GOLGA5: variants seen among roughly 807,000 people sequenced by gnomAD.
GOLGA5 encodes golgin A5.
In GOLGA5, 50 loss-of-function variants were observed where a neutral mutation model predicts 93.5. The observed-to-expected ratio is 0.53, with a 90% CI of 0.43 to 0.68. The LOEUF (loss-of-function observed/expected upper bound fraction) is 0.68, where lower values mean the gene tolerates loss of function less well. Ranked by LOEUF, GOLGA5 falls within the 30% of genes least tolerant of loss-of-function variation. GOLGA5 has a pLI of 0.00. For synonymous variants in GOLGA5, 312 were observed against 304.5 expected (o/e 1.02, Z -0.26); for missense variants, 760 against 856.4 (o/e 0.89, Z 1.40).
chr14:92,814,926 T>C (rs1033438184), intron 6 of GOLGA5, among the ~76,000 whole-genome samples: 1 of 152,188 alleles, frequency 6.6e-6, no homozygotes, highest in Non-Finnish European at 1.5e-5. Flanking sequence ...TTGTCTTTAT[T>C]ATTTATGATC....
rs914022300 is a variant in GOLGA5, at chr14:92,816,488, G to A, written c.1491+67G>A. The A allele has an allele frequency of 4.5e-6, 6 of 1,328,620 alleles. No individual in the cohort carries two copies. The Admixed American group carries it at 9.7e-5, about 21-fold the overall frequency. The allele number at this position is 1,328,620 out of a possible 1,614,324, so 82.3% of individuals were successfully genotyped here. On this transcript the variant is annotated intron_variant, in intron 7 of 12. Coordinates refer to ENST00000163416, the MANE Select transcript of GOLGA5 (RefSeq NM_005113.4). ...CTCAGGTGTTAACAGTTTGAGAGGTGGGGAAACAGCATTACTAAAGCGATA... is the reference window on the plus strand; with the variant it reads ...CTCAGGTGTTAACAGTTTGAGAGGTAGGGAAACAGCATTACTAAAGCGATA...
rs1396686780 is a variant in GOLGA5, at chr14:92,839,861, CTT to C, written c.*417_*418del. On this transcript the variant is annotated 3_prime_UTR_variant, in exon 13 of 13. Transcript: ENST00000163416. ...TGCTTTTGGATTTTCATATATTTAA[CTT>C]TGCAAAAAGATTTACTTTGTACATG... is the stretch of plus-strand genomic sequence containing the variant. 1.5e-5 allele frequency: 3 copies of C among 193,698 alleles called. No homozygotes were observed. Among genetic ancestry groups the C allele is most frequent in the Admixed American group, 6.1e-5 (1 of 16,380 alleles). 12.0% of individuals were successfully genotyped at this position (193,698 alleles called of 1,614,324 possible). A position where few individuals can be genotyped will look rare whatever the true frequency, so the allele number is the denominator to read the frequency against.
At chr14:92,835,428 T>C in intron 10 of GOLGA5, 131 bp from the exon 11 acceptor site, 1 of 489,556 alleles carries the variant, frequency 2.0e-6, no homozygotes. Flanking sequence ...TATAGTTTCA[T>C]CTACTTTGGG....
intron 2 of GOLGA5, among the ~76,000 whole-genome samples, chr14:92,803,561 C>G (rs149984676): frequency 3.2e-3 from 484 of 152,280 alleles, no homozygotes; most frequent in Middle Eastern, 0.014. Context: ...ACTATTGATT[C>G]AGTTGGCTTT....
At chr14:92,819,603 A>G in intron 7 of GOLGA5, 105 bp from the exon 8 acceptor site, 1 of 1,064,802 alleles carries the variant, frequency 9.4e-7, no homozygotes, top group Non-Finnish European at 1.4e-6. Context: ...ACTGCACTCC[A>G]GCCTGGGTGA....
chr14:92,804,922 A>G (rs1418910391), intron 2 of GOLGA5, among the ~76,000 whole-genome samples: 1 of 152,192 alleles, frequency 6.6e-6, no homozygotes, highest in African/African-American at 2.4e-5. Flanking sequence ...CTGGGATTAC[A>G]GGCGTGAGCC....
In GOLGA5 at chr14:92,811,630, A is replaced by G. The variant is rs1413225487; in HGVS notation, c.1196A>G (p.Lys399Arg). The G allele has an allele frequency of 6.2e-7, 1 of 1,612,920 alleles. No individual in the cohort carries two copies. The highest frequency in any genetic ancestry group is 2.2e-5 in the East Asian group (1 of 44,866). Residue 399 changes from lysine to arginine, a missense_variant, in exon 6 of 13, where the codon AAA becomes AGA. Lys to Arg is a conservative substitution (Grantham distance 26). Transcript: ENST00000163416. ...LAEAITLAERKYSDEKKRVDE... is the reference protein window; with the variant it reads ...LAEAITLAERRYSDEKKRVDE... Reference sequence around the variant, plus strand: ...GAAGCAATTACACTGGCCGAAAGAAAATACTCAGATGAGAAGAAGAGGGTT... The same window carrying G: ...GAAGCAATTACACTGGCCGAAAGAAGATACTCAGATGAGAAGAAGAGGGTT...
chr14:92,819,913 T>G (rs1461173710), intron 8 of GOLGA5, 77 bp downstream of exon 8: 2 of 1,458,458 alleles, frequency 1.4e-6, no homozygotes, highest in African/African-American at 3.0e-5. Context: ...GGAAAGCAGC[T>G]TACTGAAATT....
chr14:92,824,695 A>AT (rs761056468), intron 9 of GOLGA5, 51 bp downstream of exon 9: 8 of 948,780 alleles, frequency 8.4e-6, no homozygotes, highest in Non-Finnish European at 8.4e-6. Flanking sequence ...ATAAAGCTAC[A>AT]TTTTTTTAAA....
chr14:92,799,864 C>T (rs1275760823), intron 2 of GOLGA5, among the ~76,000 whole-genome samples: 1 of 152,164 alleles, frequency 6.6e-6, no homozygotes, highest in Non-Finnish European at 1.5e-5. Context: ...ACCTTGGCCT[C>T]CCAAAGTGCT....
rs562351297 is a variant in GOLGA5, at chr14:92,820,242, A to C, written c.1620+406A>C. ...GTGGGGAGAAGGTCAGCAAGAAAAC[A>C]TGTGAGCAAAGGAATCTGTGTCACA... is the stretch of plus-strand genomic sequence containing the variant. On this transcript the variant is annotated intron_variant, in intron 8 of 12. Transcript: ENST00000163416. Among the ~76,000 whole-genome samples the C allele has an allele frequency of 2.0e-5, 3 of 152,338 alleles. No homozygotes were observed. The South Asian group carries it at 6.2e-4, about 32-fold the overall frequency.
In GOLGA5 at chr14:92,797,547, G is replaced by A; in HGVS notation, c.110G>A (p.Ser37Asn). Residue 37 changes from serine (S) to asparagine (N), a missense_variant, in exon 2 of 13, where the codon AGC becomes AAC. Physicochemically the swap from Ser to Asn is conservative, Grantham distance 46. Coordinates refer to ENST00000163416, the MANE Select transcript of GOLGA5 (RefSeq NM_005113.4). Reference sequence around the variant, plus strand: ...AAAGACAATGCCAGCAACATATATAGCAAAAATACTGACTATACTGAACTT... The same window carrying A: ...AAAGACAATGCCAGCAACATATATAACAAAAATACTGACTATACTGAACTT... Reference protein sequence around the residue: ...SRKDNASNIYSKNTDYTELHQ... With the variant: ...SRKDNASNIYNKNTDYTELHQ... 1 of 1,613,248 alleles carries A rather than the reference G, an allele frequency of 6.2e-7. No homozygotes were observed. Among genetic ancestry groups the A allele is most frequent in the Non-Finnish European group, 8.5e-7 (1 of 1,179,242 alleles).
At chr14:92,813,257 C>G (rs1177190164) in intron 6 of GOLGA5, among the ~76,000 whole-genome samples, 1 of 152,162 alleles carries the variant, frequency 6.6e-6, no homozygotes, top group African/African-American at 2.4e-5. Context: ...CCTAACTACT[C>G]ACTAGGCACA....
intron 12 of GOLGA5, among the ~76,000 whole-genome samples, chr14:92,838,228 GCTAA>G (rs1475094742): frequency 1.3e-5 from 2 of 152,318 alleles, no homozygotes; most frequent in African/African-American, 2.4e-5. Context: ...TAAAAAGGCT[GCTAA>G]CTATTTGGAG....
In GOLGA5 at chr14:92,816,274, C is replaced by T. The variant is rs761916235; in HGVS notation, c.1344C>T (p.Ser448=). 2 of 1,612,746 alleles carry T rather than the reference C, an allele frequency of 1.2e-6. No individual in the cohort carries two copies. Among genetic ancestry groups the T allele is most frequent in the South Asian group, 2.2e-5 (2 of 90,938 alleles). ...AGTCTAAGGAAAAATTGATTAACAGCTTGAAAGAAGGCTCTGGTTTTGAAG... is the reference window on the plus strand; with the variant it reads ...AGTCTAAGGAAAAATTGATTAACAGTTTGAAAGAAGGCTCTGGTTTTGAAG... ...ILQSKEKLIN[S]LKEGSGFEGL... is the part of the protein sequence containing the mutation. The change falls in exon 7 of 13, where the codon AGC becomes AGT. Residue 448 remains serine, a synonymous_variant. Coordinates refer to ENST00000163416, the MANE Select transcript of GOLGA5 (RefSeq NM_005113.4).
chr14:92,807,142 A>G (rs1420950154), intron 3 of GOLGA5, among the ~76,000 whole-genome samples, 179 bp downstream of exon 3: 1 of 152,108 alleles, frequency 6.6e-6, no homozygotes, highest in Non-Finnish European at 1.5e-5. Context: ...TCTACTAAAA[A>G]TACAAAAAAA....
In GOLGA5 at chr14:92,835,655, A is replaced by T; in HGVS notation, c.2042A>T (p.Asp681Val). 1 of 1,604,340 alleles carries T rather than the reference A, an allele frequency of 6.2e-7. No individual in the cohort carries two copies. The highest frequency in any genetic ancestry group is 8.5e-7 in the Non-Finnish European group (1 of 1,171,136). ...GTTCGCAAAGCTGCTAGTTCAATTG[A>T]TCAGTTTAGGTAAGCAATGCCAGTA... ...GKVRKAASSI[D>V]QFSIRLGIFL... is the part of the protein sequence containing the mutation. Residue 681 changes from aspartate to valine, a missense_variant, in exon 11 of 13, where the codon GAT becomes GTT. Coordinates refer to ENST00000163416, the MANE Select transcript of GOLGA5 (RefSeq NM_005113.4).
chr14:92,813,027 G>A (rs1196842643), intron 6 of GOLGA5, among the ~76,000 whole-genome samples: 1 of 152,136 alleles, frequency 6.6e-6, no homozygotes, highest in Non-Finnish European at 1.5e-5. Flanking sequence ...CTTCTGTTCT[G>A]GTCAACGTTA....
intron 3 of GOLGA5, among the ~76,000 whole-genome samples, chr14:92,808,122 T>C (rs1355885324): frequency 3.3e-5 from 5 of 152,104 alleles, no homozygotes; most frequent in Non-Finnish European, 7.4e-5. Context: ...TTATTCCAGC[T>C]ACTCAGGAGG....
Sources: allele counts gnomAD v4.1 joint callset (sites outside exome capture counted in the v4.1 genomes callset), GRCh38; gene constraint gnomAD v4.1.1; transcripts MANE v1.5; gene names NCBI Gene and HGNC (gene_info 2026-07-23, HGNC 2026-07-21).